USP25: variants seen among roughly 807,000 people sequenced by gnomAD.
USP25 encodes the protein ubiquitin specific peptidase 25.
In USP25, 85 loss-of-function variants were observed where a neutral mutation model predicts 158.5. The observed-to-expected ratio is 0.54, with a 90% CI of 0.45 to 0.64. USP25 has a LOEUF of 0.64. Among genes scored for constraint, USP25 ranks in the 30% least tolerant of loss-of-function variants. The pLI is 0.00. For synonymous variants in USP25, 464 were observed against 460.4 expected (o/e 1.01, Z -0.10); for missense variants, 1,242 against 1,327.3 (o/e 0.94, Z 1.00).
In USP25 at chr21:15,824,960, TGATA is replaced by T; in HGVS notation, c.1209-1_1211del. On this transcript the variant is annotated splice_acceptor_variant and splice_polypyrimidine_tract_variant and intron_variant, in intron 11 of 25. Coordinates refer to ENST00000400183, the MANE Select transcript of USP25 (RefSeq NM_001283041.3). LOFTEE classifies it high-confidence loss of function. ...GGAAATGCTAATGATTACCTTTTTC[TGATA>T]GATACATGCACAGAAACAGAGAAAT... 1 of 1,601,062 alleles carries T rather than the reference TGATA, an allele frequency of 6.2e-7. No individual in the cohort carries two copies. The highest frequency in any genetic ancestry group is 8.5e-7 in the Non-Finnish European group (1 of 1,170,760).
chr21:15,759,482 G>C (rs914956861), intron 1 of USP25, among the ~76,000 whole-genome samples: 1 of 152,160 alleles, frequency 6.6e-6, no homozygotes, highest in Non-Finnish European at 1.5e-5. Context: ...GATTCACATT[G>C]GTTCAATCTG....
rs2040192973 is a variant in USP25, at chr21:15,878,665, C to G, written c.*190C>G. Reference sequence around the variant, plus strand: ...ATAAAGCTGAAAATCGCATGGCGCTCAGACATTTTAACCGGAACTGATGTA... The same window carrying G: ...ATAAAGCTGAAAATCGCATGGCGCTGAGACATTTTAACCGGAACTGATGTA... On this transcript the variant is annotated 3_prime_UTR_variant, in exon 26 of 26. Transcript: ENST00000400183. The G allele has an allele frequency of 2.0e-6, 1 of 491,244 alleles. No homozygotes were observed. Among genetic ancestry groups the G allele is most frequent in the South Asian group, 5.9e-5 (1 of 16,936 alleles). 30.4% of individuals were successfully genotyped at this position (491,244 alleles called of 1,614,324 possible).
At chr21:15,835,617 A>G (rs1252135074) in intron 17 of USP25, among the ~76,000 whole-genome samples, 2 of 152,350 alleles carry the variant, frequency 1.3e-5, no homozygotes, top group East Asian at 1.9e-4. Context: ...GAATGTTGAT[A>G]TATTTCTGGG....
chr21:15,873,190 A>G (rs2039964308), intron 23 of USP25, among the ~76,000 whole-genome samples: 2 of 151,614 alleles, frequency 1.3e-5, no homozygotes, highest in African/African-American at 2.4e-5. Flanking sequence ...GCTCACTACA[A>G]CCTCTTACCT....
chr21:15,864,457 A>G lies in USP25; in HGVS notation c.2726+11A>G. The G allele has an allele frequency of 6.3e-7, 1 of 1,584,512 alleles. No homozygotes were observed. Among genetic ancestry groups the G allele is most frequent in the Non-Finnish European group, 8.6e-7 (1 of 1,169,562 alleles). On this transcript the variant is annotated intron_variant, in intron 21 of 25. Transcript: ENST00000400183. ...GAGTTTTGATGAAAGGTAATTTGAA[A>G]GTATAAAATTCATATGCTCAAATCG...
chr21:15,780,119 T>C (rs2034884381), intron 4 of USP25, among the ~76,000 whole-genome samples: 1 of 152,134 alleles, frequency 6.6e-6, no homozygotes, highest in African/African-American at 2.4e-5. Flanking sequence ...TAACTCCTTC[T>C]TCATTACTGA....
intron 10 of USP25, among the ~76,000 whole-genome samples, chr21:15,822,526 A>G (rs1445442431): frequency 6.6e-6 from 1 of 152,020 alleles, no homozygotes. Context: ...TAAAATATGT[A>G]ACTATTTAAT....
rs757192755 is a variant in USP25 at position 15,778,042 on chromosome 21, T to TAC, written c.392+15_392+16insAC. 6.3e-7 allele frequency: 1 copy of TAC among 1,583,398 alleles called. No individual in the cohort carries two copies. On this transcript the variant is annotated intron_variant, in intron 4 of 25. Transcript: ENST00000400183. ...GCCATTAGCAGGTAAAAACATAATTTGTATAAAGCAGATATAAGTACTTTT... is the reference window on the plus strand; with the variant it reads ...GCCATTAGCAGGTAAAAACATAATTTACGTATAAAGCAGATATAAGTACTTTT...
intron 1 of USP25, among the ~76,000 whole-genome samples, chr21:15,730,719 T>C (rs1345954074): frequency 6.6e-6 from 1 of 152,250 alleles, no homozygotes; most frequent in Non-Finnish European, 1.5e-5. Flanking sequence ...ATTCCTACAG[T>C]GCTCTGTGTG....
intron 1 of USP25, among the ~76,000 whole-genome samples, chr21:15,747,155 T>C (rs868260219): frequency 2.6e-5 from 4 of 152,268 alleles, no homozygotes; most frequent in Admixed American, 6.5e-5. Flanking sequence ...TTTTTCTTTA[T>C]GATTTGAGGT....
intron 18 of USP25, among the ~76,000 whole-genome samples, chr21:15,846,156 A>ATTT (rs1194653073): frequency 9.7e-4 from 18 of 18,540 alleles, no homozygotes; most frequent in African/African-American, 2.7e-3. Flanking sequence ...ATATATATAT[A>ATTT]TATTTTTTTT....
At chr21:15,762,839 G>T (rs2033811975) in intron 1 of USP25, 52 bp from the exon 2 acceptor site, 3 of 1,487,850 alleles carry the variant, frequency 2.0e-6, no homozygotes, top group South Asian at 2.5e-5. Context: ...TCTTTTCCTA[G>T]TATATTTTCA....
At chr21:15,807,079 G>A (rs906902705) in intron 7 of USP25, among the ~76,000 whole-genome samples, 1 of 151,768 alleles carries the variant, frequency 6.6e-6, no homozygotes, top group Non-Finnish European at 1.5e-5. Flanking sequence ...ACATGCCACC[G>A]CGCCTGGCAA....
At chr21:15,803,740 T>G (rs1013757570) in intron 6 of USP25, among the ~76,000 whole-genome samples, 1 of 151,980 alleles carries the variant, frequency 6.6e-6, no homozygotes, top group Non-Finnish European at 1.5e-5. Flanking sequence ...AGGGTACTTT[T>G]GAAAGTAATT....
intron 1 of USP25, among the ~76,000 whole-genome samples, chr21:15,748,318 C>T (rs1276621272): frequency 6.6e-6 from 1 of 152,052 alleles, no homozygotes; most frequent in Non-Finnish European, 1.5e-5. Context: ...GTCTTGCTCT[C>T]TTGCCCAGGC....
intron 4 of USP25, among the ~76,000 whole-genome samples, chr21:15,788,662 A>G (rs1338384049): frequency 6.6e-6 from 1 of 152,066 alleles, no homozygotes; most frequent in Non-Finnish European, 1.5e-5. Flanking sequence ...ATATGTTTAA[A>G]TTAAGAGGGT....
chr21:15,786,918 A>G (rs527748767), intron 4 of USP25, among the ~76,000 whole-genome samples: 6 of 152,286 alleles, frequency 3.9e-5, no homozygotes, highest in African/African-American at 1.4e-4. Flanking sequence ...AATTCAGTAA[A>G]AGTGTAGGAC....
intron 10 of USP25, 64 bp downstream of exon 10, chr21:15,818,910 A>G (rs2037087866): frequency 7.3e-6 from 11 of 1,517,228 alleles, no homozygotes; most frequent in South Asian, 1.2e-5. Flanking sequence ...CTATAGCACA[A>G]TGTAAGGTTC....
At chr21:15,835,299 A>G (rs2146409828) in intron 17 of USP25, among the ~76,000 whole-genome samples, 1 of 152,214 alleles carries the variant, frequency 6.6e-6, no homozygotes, top group East Asian at 1.9e-4. Flanking sequence ...CCTCCTCTTC[A>G]TCCTGTCTGT....
Sources: allele counts gnomAD v4.1 joint callset (sites outside exome capture counted in the v4.1 genomes callset), GRCh38; gene constraint gnomAD v4.1.1; transcripts MANE v1.5; gene names NCBI Gene and HGNC (gene_info 2026-07-23, HGNC 2026-07-21).